ARHGAP15: variants seen among roughly 807,000 people sequenced by gnomAD.
The protein encoded by ARHGAP15 is Rho GTPase activating protein 15, also known as rho GTPase-activating protein 15.
In ARHGAP15, 51 loss-of-function variants were observed where a neutral mutation model predicts 63.7. That is an observed-to-expected ratio of 0.80 (90% CI 0.64 to 1.01). The LOEUF is 1.01. ARHGAP15 is among the 50% of genes least tolerant of loss of function. The probability of loss-of-function intolerance (pLI) is 0.00; values close to 1 mark genes in which losing one functional copy is unlikely to be tolerated. For missense variants in ARHGAP15, 560 were observed against 564.6 expected, an observed-to-expected ratio of 0.99 and a Z score of 0.08; for synonymous variants, 191 against 193.8, an observed-to-expected ratio of 0.99 and a Z score of 0.12.
intron 1 of ARHGAP15, among the ~76,000 whole-genome samples, chr2:143,146,859 T>C (rs1003135693): frequency 2.6e-5 from 4 of 152,080 alleles, no homozygotes; most frequent in Non-Finnish European, 5.9e-5. Context: ...GAAAGACTAA[T>C]AGATACAACA....
chr2:143,421,417 G>T (rs1313126060), intron 6 of ARHGAP15, among the ~76,000 whole-genome samples: 1 of 151,948 alleles, frequency 6.6e-6, no homozygotes, highest in East Asian at 1.9e-4. Context: ...GAGGGTGCAG[G>T]GTGGGAAGAG....
At chr2:143,266,229 CTCACTTCATAT>C (rs142924337) in intron 6 of ARHGAP15, among the ~76,000 whole-genome samples, 12,886 of 152,156 alleles carry the variant, frequency 0.085, 669 homozygotes, top group East Asian at 0.17. Context: ...AATAAATTTT[CTCACTTCATAT>C]AAAATGCCCT....
chr2:143,161,038 C>G (rs1489616780), intron 2 of ARHGAP15, among the ~76,000 whole-genome samples: 3 of 151,984 alleles, frequency 2.0e-5, no homozygotes, highest in Non-Finnish European at 4.4e-5. Context: ...CCTCTGATTA[C>G]TAATTTGAAT....
At chr2:143,724,075 A>G (rs75245568) in intron 13 of ARHGAP15, among the ~76,000 whole-genome samples, 35 of 99,686 alleles carry the variant, frequency 3.5e-4, no homozygotes, top group East Asian at 1.1e-3. Context: ...GTGTGTGTGT[A>G]TGTGTGTGAT....
chr2:143,155,886 G>A (rs947968704), intron 2 of ARHGAP15, among the ~76,000 whole-genome samples: 1 of 151,820 alleles, frequency 6.6e-6, no homozygotes, highest in Non-Finnish European at 1.5e-5. Flanking sequence ...AGACTGAAGA[G>A]CACCTTTGAC....
intron 10 of ARHGAP15, among the ~76,000 whole-genome samples, chr2:143,525,966 G>A (rs1210006744): frequency 6.6e-6 from 1 of 152,134 alleles, no homozygotes; most frequent in Non-Finnish European, 1.5e-5. Flanking sequence ...AGACAAACTA[G>A]TGAAAACATT....
chr2:143,289,053 A>G (rs1180308570), intron 6 of ARHGAP15, among the ~76,000 whole-genome samples: 1 of 152,092 alleles, frequency 6.6e-6, no homozygotes, highest in Non-Finnish European at 1.5e-5. Flanking sequence ...TGATGAAGAC[A>G]GTGAGAGAAA....
intron 6 of ARHGAP15, among the ~76,000 whole-genome samples, chr2:143,434,020 A>G (rs1460271921): frequency 6.6e-6 from 1 of 152,042 alleles, no homozygotes; most frequent in African/African-American, 2.4e-5. Flanking sequence ...CTGAGTAGAG[A>G]ACATTGCAAT....
At chr2:143,536,249 C>T (rs1232223908) in intron 10 of ARHGAP15, among the ~76,000 whole-genome samples, 1 of 152,188 alleles carries the variant, frequency 6.6e-6, no homozygotes, top group Non-Finnish European at 1.5e-5. Context: ...CCATTCTCTT[C>T]TTCTATGAGG....
At chr2:143,194,049 G>T (rs1691782176) in intron 2 of ARHGAP15, among the ~76,000 whole-genome samples, 1 of 152,198 alleles carries the variant, frequency 6.6e-6, no homozygotes, top group African/African-American at 2.4e-5. Context: ...CATTAAATTA[G>T]ATAGAAATTG....
At chr2:143,373,787 T>C (rs1201335554) in intron 6 of ARHGAP15, among the ~76,000 whole-genome samples, 1 of 151,970 alleles carries the variant, frequency 6.6e-6, no homozygotes, top group African/African-American at 2.4e-5. Context: ...AGAGGAGACA[T>C]ATAGTACCTA....
At chr2:143,457,630 G>A (rs1202987086) in intron 8 of ARHGAP15, among the ~76,000 whole-genome samples, 3 of 150,108 alleles carry the variant, frequency 2.0e-5, no homozygotes, top group East Asian at 1.9e-4. Flanking sequence ...ACAAATATTG[G>A]ACATTGTTTT....
chr2:143,631,138 G>A (rs542167608), intron 12 of ARHGAP15, among the ~76,000 whole-genome samples: 10 of 152,066 alleles, frequency 6.6e-5, no homozygotes, highest in East Asian at 5.8e-4. Context: ...ATTATTTTGA[G>A]ATTTATCCAT....
chr2:143,206,397 T>C (rs558569887), intron 3 of ARHGAP15, among the ~76,000 whole-genome samples: 1 of 152,326 alleles, frequency 6.6e-6, no homozygotes, highest in East Asian at 1.9e-4. Context: ...TTAATAAATA[T>C]ATGCCTAACA....
chr2:143,600,573 G>A (rs1038660843), intron 11 of ARHGAP15, among the ~76,000 whole-genome samples: 1 of 152,064 alleles, frequency 6.6e-6, no homozygotes, highest in Non-Finnish European at 1.5e-5. Context: ...TCTACTACTG[G>A]TGTTACAACC....
intron 11 of ARHGAP15, among the ~76,000 whole-genome samples, chr2:143,594,182 A>G (rs997228715): frequency 4.6e-5 from 7 of 152,312 alleles, no homozygotes; most frequent in East Asian, 1.9e-4. Context: ...TATCTTCTCA[A>G]TGTAACTCCA....
intron 11 of ARHGAP15, among the ~76,000 whole-genome samples, chr2:143,574,532 T>C (rs982385392): frequency 1.3e-5 from 2 of 152,046 alleles, no homozygotes; most frequent in African/African-American, 2.4e-5. Flanking sequence ...TATGAGCGTC[T>C]TCTTGAAAAT....
In ARHGAP15 at chr2:143,537,863, C is replaced by T. The variant is rs1482523802; in HGVS notation, c.925+18499C>T. 9.9e-5 allele frequency among the ~76,000 whole-genome samples: 15 copies of T among 152,094 alleles called. No individual in the cohort carries two copies. The East Asian group carries it at 2.9e-3, about 29-fold the overall frequency. ...CTTAGGATTGACTTGGCAATGCGGG[C>T]TCTTTTTTGGTTCCATATGAACTTT... On this transcript the variant is annotated intron_variant, in intron 10 of 13. Transcript: ENST00000295095.
chr2:143,706,345 G>GA (rs1285219243), intron 13 of ARHGAP15: 2 of 152,266 alleles, frequency 1.3e-5, no homozygotes, highest in African/African-American at 4.8e-5. Context: ...TAGTTCTTCA[G>GA]AAAATCTATC....
Sources: allele counts gnomAD v4.1 joint callset (sites outside exome capture counted in the v4.1 genomes callset), GRCh38; gene constraint gnomAD v4.1.1; transcripts MANE v1.5; gene names NCBI Gene and HGNC (gene_info 2026-07-23, HGNC 2026-07-21).